Variants in BZW2 observed in about 807,000 individuals in gnomAD.
BZW2 encodes basic leucine zipper and W2 domains 2.
BZW2 carries 23 observed loss-of-function variants against 53.2 expected under a neutral mutation model. That is an observed-to-expected ratio of 0.43 (90% CI 0.31 to 0.61). The LOEUF (loss-of-function observed/expected upper bound fraction) is 0.61, where lower values mean the gene tolerates loss of function less well. Ranked by LOEUF, BZW2 falls within the 20% of genes least tolerant of loss-of-function variation. The pLI is 0.09. For missense variants in BZW2, 409 were observed against 503.1 expected (o/e 0.81, Z 1.79); for synonymous variants, 227 against 186.4 (o/e 1.22, Z -1.77).
chr7:16,668,920 G>A (rs1464524570), intron 2 of BZW2, among the ~76,000 whole-genome samples: 1 of 152,080 alleles, frequency 6.6e-6, no homozygotes, highest in African/African-American at 2.4e-5. Flanking sequence ...GTGAAAATCT[G>A]AAAAGATGAA....
intron 6 of BZW2, chr7:16,686,326 C>A (rs1218586868): frequency 9.5e-6 from 3 of 317,426 alleles, no homozygotes; most frequent in Non-Finnish European, 5.9e-6. Context: ...AGGTCAAATA[C>A]CCCGAAATCG....
intron 3 of BZW2, among the ~76,000 whole-genome samples, chr7:16,674,853 C>CCTTT (rs1390632001): frequency 6.6e-6 from 1 of 152,124 alleles, no homozygotes; most frequent in East Asian, 1.9e-4. Context: ...CTAAAAGCCG[C>CCTTT]CTTTCTCATA....
intron 1 of BZW2, among the ~76,000 whole-genome samples, chr7:16,658,122 G>A (rs1254650645): frequency 6.6e-6 from 1 of 152,188 alleles, no homozygotes; most frequent in Non-Finnish European, 1.5e-5. Context: ...CAGGGCCTGG[G>A]AGATAACCCA....
intron 2 of BZW2, among the ~76,000 whole-genome samples, chr7:16,668,130 G>C (rs1782486577): frequency 6.6e-6 from 1 of 152,142 alleles, no homozygotes; most frequent in African/African-American, 2.4e-5. Context: ...CCTGCCGCTG[G>C]GGGATCGTGT....
chr7:16,692,240 C>G (rs1340183592), intron 7 of BZW2, among the ~76,000 whole-genome samples: 4 of 142,152 alleles, frequency 2.8e-5, no homozygotes, highest in Admixed American at 6.8e-5. Context: ...GAAGCCAACC[C>G]TTATTACTGA....
chr7:16,663,010 C>T (rs1416460684), intron 1 of BZW2, among the ~76,000 whole-genome samples: 1 of 152,126 alleles, frequency 6.6e-6, no homozygotes, highest in East Asian at 1.9e-4. Flanking sequence ...TGTATATCAT[C>T]ATCACTTTTG....
intron 10 of BZW2, among the ~76,000 whole-genome samples, chr7:16,703,590 C>T (rs1203503094): frequency 1.3e-5 from 2 of 152,094 alleles, no homozygotes; most frequent in Non-Finnish European, 1.5e-5. Flanking sequence ...GAGCACATCT[C>T]GGGGACAATA....
intron 3 of BZW2, among the ~76,000 whole-genome samples, chr7:16,680,164 A>C (rs536342256): frequency 6.6e-6 from 1 of 152,234 alleles, no homozygotes; most frequent in African/African-American, 2.4e-5. Flanking sequence ...CCCAAGTAGA[A>C]GGCAAAAAGA....
chr7:16,659,314 T>C (rs943004973), intron 1 of BZW2, among the ~76,000 whole-genome samples: 1 of 152,178 alleles, frequency 6.6e-6, no homozygotes, highest in African/African-American at 2.4e-5. Flanking sequence ...AAGCTTTTTG[T>C]ACTGGCTGAG....
chr7:16,692,497 T>C (rs1783341625), intron 7 of BZW2, among the ~76,000 whole-genome samples: 1 of 152,126 alleles, frequency 6.6e-6, no homozygotes, highest in Non-Finnish European at 1.5e-5. Context: ...GTGTGGTAGC[T>C]CACACCTGTA....
At chr7:16,647,243 A>G (rs752177863) in intron 1 of BZW2, among the ~76,000 whole-genome samples, 2 of 152,228 alleles carry the variant, frequency 1.3e-5, no homozygotes, top group Non-Finnish European at 2.9e-5. Flanking sequence ...TTGTTTCCCT[A>G]CAGAGTAGTA....
intron 2 of BZW2, among the ~76,000 whole-genome samples, chr7:16,669,646 A>G (rs769044644): frequency 4.6e-5 from 7 of 152,198 alleles, no homozygotes; most frequent in Admixed American, 3.9e-4. Flanking sequence ...AGGTTCTGCT[A>G]TTATATCACT....
At chr7:16,673,728 CAG>C (rs1217621614) in intron 2 of BZW2, among the ~76,000 whole-genome samples, 1 of 151,820 alleles carries the variant, frequency 6.6e-6, no homozygotes, top group Non-Finnish European at 1.5e-5. Flanking sequence ...ATTAGGATTC[CAG>C]AGTCTTTTTC....
chr7:16,665,330 C>T, intron 1 of BZW2, 107 bp from the exon 2 acceptor site: 3 of 1,292,736 alleles, frequency 2.3e-6, no homozygotes, highest in Non-Finnish European at 3.3e-6. Context: ...GAGGCATATT[C>T]AGTAATGAGT....
chr7:16,704,447 T>C, intron 10 of BZW2, 100 bp from the exon 11 acceptor site: 1 of 1,217,734 alleles, frequency 8.2e-7, no homozygotes, highest in East Asian at 2.6e-5. Context: ...GAATGCTTTA[T>C]ATTTAAAATG....
In BZW2 at chr7:16,647,958, T is replaced by C. The variant is rs1781909366; in HGVS notation, c.-8+1670T>C. On this transcript the variant is annotated intron_variant, in intron 1 of 11. Transcript: ENST00000258761. Reference sequence around the variant, plus strand: ...TCCTCGAGGATAGCAGCTTACTATCTATTTTCTTGATGCCTTATGACACTT... The same window carrying C: ...TCCTCGAGGATAGCAGCTTACTATCCATTTTCTTGATGCCTTATGACACTT... Among the ~76,000 whole-genome samples the C allele has an allele frequency of 2.0e-5, 3 of 152,244 alleles. 1 individual carries two copies. In the South Asian group the frequency reaches 6.2e-4, roughly 31 times the overall value.
chr7:16,689,467 A>G (rs1196220490), intron 6 of BZW2, among the ~76,000 whole-genome samples: 2 of 152,228 alleles, frequency 1.3e-5, no homozygotes, highest in Admixed American at 6.5e-5. Context: ...CATATGAACC[A>G]GAGGGTGAAA....
At chr7:16,668,014 C>G (rs921003732) in intron 2 of BZW2, among the ~76,000 whole-genome samples, 3 of 152,166 alleles carry the variant, frequency 2.0e-5, no homozygotes, top group Non-Finnish European at 4.4e-5. Context: ...TCAGTAATGA[C>G]CAATATAGTT....
intron 10 of BZW2, among the ~76,000 whole-genome samples, chr7:16,702,226 C>T (rs996186335): frequency 6.6e-6 from 1 of 152,110 alleles, no homozygotes; most frequent in Non-Finnish European, 1.5e-5. Context: ...GAGTTCCTTC[C>T]TTTTCAGACC....
Sources: allele counts gnomAD v4.1 joint callset (sites outside exome capture counted in the v4.1 genomes callset), GRCh38; gene constraint gnomAD v4.1.1; transcripts MANE v1.5; gene names NCBI Gene and HGNC (gene_info 2026-07-23, HGNC 2026-07-21).